The following NXPE2 variants were observed in gnomAD, a reference collection of about 807,000 sequenced individuals.
NXPE2 encodes neurexophilin and PC-esterase domain family member 2.
NXPE2 carries 34 observed loss-of-function variants against 34.4 expected under a neutral mutation model. The observed-to-expected ratio is 0.99, with a 90% CI of 0.75 to 1.31. NXPE2 has a LOEUF of 1.31. Ranked by LOEUF, NXPE2 falls within the 40% of genes most tolerant of loss-of-function variation. NXPE2 has a pLI of 0.00. For missense variants in NXPE2, 649 were observed against 672.5 expected (o/e 0.97, Z 0.39); for synonymous variants, 235 against 231.3 (o/e 1.02, Z -0.15).
chr11:114,711,469 A>G (rs1473722669), downstream of NXPE2, among the ~76,000 whole-genome samples: 2 of 152,162 alleles, frequency 1.3e-5, no homozygotes, highest in African/African-American at 2.4e-5. Flanking sequence ...TTGCATTTCT[A>G]TACCAATGAC....
the NXPE2 span, among the ~76,000 whole-genome samples, chr11:114,606,190 G>T: frequency 6.6e-6 from 1 of 151,744 alleles, no homozygotes; most frequent in Non-Finnish European, 1.5e-5. Context: ...GGTAATCACA[G>T]TTACCCGGTG....
chr11:114,522,892 G>A, the NXPE2 span: 1 of 1,610,936 alleles, frequency 6.2e-7, no homozygotes, highest in Non-Finnish European at 8.5e-7. Flanking sequence ...TTACAACTTT[G>A]GGGAAGTAGT....
chr11:114,562,267 T>C, the NXPE2 span, among the ~76,000 whole-genome samples: 3,363 of 152,312 alleles, frequency 0.022, 132 homozygotes, highest in African/African-American at 0.077. Flanking sequence ...GGAGAGTGGT[T>C]AGAAATATTT....
intron 2 of NXPE2, among the ~76,000 whole-genome samples, chr11:114,694,124 C>T (rs902762852): frequency 6.6e-6 from 1 of 152,158 alleles, no homozygotes; most frequent in African/African-American, 2.4e-5. Context: ...TTTGGTTTTT[C>T]CTTTTCTGCC....
chr11:114,554,457 C>G, the NXPE2 span: 1 of 815,406 alleles, frequency 1.2e-6, no homozygotes, highest in Non-Finnish European at 1.5e-6. Context: ...ATAATCAGTC[C>G]TATGACCTCT....
chr11:114,762,550 C>T, the NXPE2 span, among the ~76,000 whole-genome samples: 1 of 152,158 alleles, frequency 6.6e-6, no homozygotes, highest in African/African-American at 2.4e-5. Context: ...CCTAAATTCT[C>T]TTGGTAATGA....
chr11:114,490,040 C>G, the NXPE2 span, among the ~76,000 whole-genome samples: 1 of 152,292 alleles, frequency 6.6e-6, no homozygotes, highest in Admixed American at 6.5e-5. Context: ...GCAAAAATCA[C>G]GAGCATTCTT....
chr11:114,775,313 G>A, the NXPE2 span, among the ~76,000 whole-genome samples: 5 of 152,232 alleles, frequency 3.3e-5, no homozygotes, highest in Non-Finnish European at 7.3e-5. Flanking sequence ...GGCCTTCAAG[G>A]TGGGACGAGG....
chr11:114,806,707 A>G, the NXPE2 span, among the ~76,000 whole-genome samples: 3 of 152,094 alleles, frequency 2.0e-5, no homozygotes, highest in Non-Finnish European at 2.9e-5. Context: ...GACCAAATCT[A>G]CGTCTGATTG....
rs568527396 is a variant in NXPE2 at position 114,679,763 on chromosome 11, G to T, written c.132+1G>T. ...CTTGGCTTCAAAAGACCACACAAAG[G>T]TAGGAAGTTTCATTTTTAAGAATTT... is the stretch of plus-strand genomic sequence containing the variant. On this transcript the variant is annotated splice_donor_variant, in intron 2 of 5. Coordinates refer to ENST00000389586, the MANE Select transcript of NXPE2 (RefSeq NM_182495.6). LOFTEE classifies it high-confidence loss of function. The T allele has an allele frequency of 9.8e-6, 15 of 1,528,896 alleles. No homozygotes were observed. The African/African-American group carries it at 1.8e-4, about 18-fold the overall frequency. The allele number at this position is 1,528,896 out of a possible 1,614,324, so 94.7% of individuals were successfully genotyped here.
chr11:114,639,781 A>G, the NXPE2 span, among the ~76,000 whole-genome samples: 3 of 127,800 alleles, frequency 2.3e-5, no homozygotes, highest in East Asian at 4.3e-4. Flanking sequence ...ATAATATAAA[A>G]TATAATATAT....
At chr11:114,483,397 T>C in the NXPE2 span, among the ~76,000 whole-genome samples, 1 of 152,240 alleles carries the variant, frequency 6.6e-6, no homozygotes, top group East Asian at 1.9e-4. Flanking sequence ...CTGTCTAATC[T>C]TGATCAAATT....
chr11:114,601,195 A>G, the NXPE2 span, among the ~76,000 whole-genome samples: 8 of 151,526 alleles, frequency 5.3e-5, no homozygotes, highest in Non-Finnish European at 1.2e-4. Flanking sequence ...TGTCACTCAA[A>G]TAGCATACAT....
chr11:114,608,349 G>A, the NXPE2 span, among the ~76,000 whole-genome samples: 292 of 151,900 alleles, frequency 1.9e-3, 5 homozygotes, highest in East Asian at 0.044. Flanking sequence ...GTGTTGCCAC[G>A]TGGGTAACAA....
At chr11:114,634,645 G>T in the NXPE2 span, among the ~76,000 whole-genome samples, 3 of 151,990 alleles carry the variant, frequency 2.0e-5, no homozygotes, top group African/African-American at 7.2e-5. Flanking sequence ...TTTGTATAAG[G>T]TGTAAGGAAG....
chr11:114,605,486 G>A, the NXPE2 span, among the ~76,000 whole-genome samples: 145 of 151,672 alleles, frequency 9.6e-4, 2 homozygotes, highest in Admixed American at 5.8e-3. Flanking sequence ...ACAGTTACCC[G>A]GTGGATAATA....
chr11:114,599,491 A>T, the NXPE2 span, among the ~76,000 whole-genome samples: 14 of 152,102 alleles, frequency 9.2e-5, no homozygotes, highest in Non-Finnish European at 1.9e-4. Context: ...CCCCAGTGCT[A>T]ATTTTCTGTA....
the NXPE2 span, among the ~76,000 whole-genome samples, chr11:114,782,392 A>C: frequency 6.6e-6 from 1 of 152,160 alleles, no homozygotes; most frequent in Non-Finnish European, 1.5e-5. Context: ...CTGGGAACTT[A>C]CTCCAAGGCA....
the NXPE2 span, among the ~76,000 whole-genome samples, chr11:114,512,206 A>C: frequency 6.6e-6 from 1 of 152,178 alleles, no homozygotes; most frequent in African/African-American, 2.4e-5. Context: ...AAATGTTTCG[A>C]ATGGGATGCT....
Sources: allele counts gnomAD v4.1 joint callset (sites outside exome capture counted in the v4.1 genomes callset), GRCh38; gene constraint gnomAD v4.1.1; transcripts MANE v1.5; gene names NCBI Gene and HGNC (gene_info 2026-07-23, HGNC 2026-07-21).